PCMT1: variants seen among roughly 807,000 people sequenced by gnomAD.
PCMT1 encodes protein-L-isoaspartate (D-aspartate) O-methyltransferase, also known as protein-L-isoaspartate(D-aspartate) O-methyltransferase.
A neutral mutation model predicts 29.2 loss-of-function variants in PCMT1; 9 were observed. That is an observed-to-expected ratio of 0.31 (90% CI 0.19 to 0.54). The LOEUF (loss-of-function observed/expected upper bound fraction) is 0.54, where lower values mean the gene tolerates loss of function less well. PCMT1 is among the 20% of genes least tolerant of loss of function. PCMT1 has a pLI of 0.95. For missense variants in PCMT1, 184 were observed against 282.2 expected (o/e 0.65, Z 2.49); for synonymous variants, 98 against 97.5 (o/e 1.00, Z -0.03).
intron 6 of PCMT1, among the ~76,000 whole-genome samples, chr6:149,798,777 G>T (rs1190047074): frequency 6.6e-6 from 1 of 152,184 alleles, no homozygotes; most frequent in Non-Finnish European, 1.5e-5. Context: ...AGTTTGCACT[G>T]CAAAACTCTG....
chr6:149,778,522 T>A (rs74777784), intron 3 of PCMT1, among the ~76,000 whole-genome samples: 3 of 150,074 alleles, frequency 2.0e-5, no homozygotes, highest in Non-Finnish European at 4.5e-5. Context: ...AGCCACTGCG[T>A]CTAGCCCTTA....
chr6:149,756,336 G>C (rs1166661133), intron 1 of PCMT1, among the ~76,000 whole-genome samples: 4 of 146,494 alleles, frequency 2.7e-5, no homozygotes, highest in African/African-American at 1.0e-4. Context: ...TAGTAGAAAA[G>C]AGCATTTATT....
chr6:149,811,370 AAC>A lies in PCMT1; in HGVS notation c.*794_*795del, dbSNP rs774766706. The A allele has an allele frequency of 2.6e-5, 4 of 152,618 alleles. No individual in the cohort carries two copies. The highest frequency in any genetic ancestry group is 4.8e-5 in the African/African-American group (2 of 41,424). 9.5% of individuals were successfully genotyped at this position (152,618 alleles called of 1,614,324 possible). A position where few individuals can be genotyped will look rare whatever the true frequency, so the allele number is the denominator to read the frequency against. On this transcript the variant is annotated 3_prime_UTR_variant, in exon 8 of 8. Coordinates refer to ENST00000464889, the MANE Select transcript of PCMT1 (RefSeq NM_001360452.2). ...TGTGTAAGCTGTGTCCTAGTTCTTGAACAGTTTATGCAGTGCTGCTTTGCCAA... is the reference window on the plus strand; with the variant it reads ...TGTGTAAGCTGTGTCCTAGTTCTTGAAGTTTATGCAGTGCTGCTTTGCCAA...
chr6:149,774,654 C>T (rs1267059710), intron 3 of PCMT1, among the ~76,000 whole-genome samples: 1 of 150,878 alleles, frequency 6.6e-6, no homozygotes, highest in Non-Finnish European at 1.5e-5. Context: ...TCTCTTGCCT[C>T]AGCCTCCCTA....
intron 6 of PCMT1, 41 bp from the exon 7 acceptor site, chr6:149,802,159 T>G (rs745402404): frequency 7.5e-7 from 1 of 1,335,248 alleles, no homozygotes; most frequent in Non-Finnish European, 1.0e-6. Context: ...AAATAAAATC[T>G]GTAACTTGGT....
Position 149,760,093 on chromosome 6 carries a change from T to C in PCMT1, c.55+10137T>C, listed in dbSNP as rs537974075. On this transcript the variant is annotated intron_variant, in intron 1 of 7. Transcript: ENST00000464889. ...CCCTCCTTTCAGATCCAATCCATTC[T>C]ACACATTATACTGATTTTTTCCTAG... Among the ~76,000 whole-genome samples, 11 of 152,202 alleles carry C rather than the reference T, an allele frequency of 7.2e-5. No individual in the cohort carries two copies. The South Asian group carries it at 1.0e-3, about 14-fold the overall frequency.
intron 5 of PCMT1, chr6:149,795,125 G>T: frequency 3.2e-6 from 1 of 315,380 alleles, no homozygotes; most frequent in Non-Finnish European, 6.1e-6. Flanking sequence ...CCTGGGAGGC[G>T]GAGGTTGCAG....
chr6:149,794,802 AG>A, intron 5 of PCMT1: 1 of 484,246 alleles, frequency 2.1e-6, no homozygotes. Context: ...GTTGCCAGTG[AG>A]GGACATGAGA....
At chr6:149,779,996 C>T (rs1787749890) in intron 3 of PCMT1, among the ~76,000 whole-genome samples, 1 of 151,994 alleles carries the variant, frequency 6.6e-6, no homozygotes, top group Admixed American at 6.6e-5. Flanking sequence ...GCAGTTACTT[C>T]ATGGCAAAAG....
chr6:149,756,612 G>A (rs1036153655), intron 1 of PCMT1, among the ~76,000 whole-genome samples: 13 of 129,674 alleles, frequency 1.0e-4, no homozygotes, highest in African/African-American at 2.9e-4. Flanking sequence ...TGATCCACCC[G>A]CCTCAGTCTC....
At chr6:149,751,082 C>G (rs982200445) in intron 1 of PCMT1, among the ~76,000 whole-genome samples, 1 of 152,102 alleles carries the variant, frequency 6.6e-6, no homozygotes, top group Non-Finnish European at 1.5e-5. Context: ...TTTGGGAGGC[C>G]GAGGCGGGTG....
chr6:149,793,301 G>T (rs1368618642), intron 4 of PCMT1, among the ~76,000 whole-genome samples: 1 of 151,910 alleles, frequency 6.6e-6, no homozygotes, highest in Non-Finnish European at 1.5e-5. Flanking sequence ...CAAAGTTCTA[G>T]ATTTAATCTA....
intron 4 of PCMT1, among the ~76,000 whole-genome samples, chr6:149,792,952 G>A (rs982052624): frequency 2.6e-5 from 4 of 152,088 alleles, no homozygotes; most frequent in Admixed American, 1.3e-4. Flanking sequence ...CACGAGGTCA[G>A]GAATTTGAGA....
chr6:149,773,235 TA>T (rs1787410566), intron 3 of PCMT1, 66 bp downstream of exon 3: 4 of 1,236,336 alleles, frequency 3.2e-6, no homozygotes, highest in African/African-American at 1.5e-5. Flanking sequence ...TTTTCTTTAG[TA>T]AAAAAGATTT....
At chr6:149,801,319 G>T (rs1775820428) in intron 6 of PCMT1, among the ~76,000 whole-genome samples, 1 of 152,170 alleles carries the variant, frequency 6.6e-6, no homozygotes, top group Non-Finnish European at 1.5e-5. Context: ...ATTGCATTTT[G>T]ACTGTGACTT....
intron 3 of PCMT1, among the ~76,000 whole-genome samples, chr6:149,781,748 CACATA>C (rs1302996130): frequency 3.3e-5 from 5 of 152,116 alleles, no homozygotes; most frequent in African/African-American, 1.2e-4. Flanking sequence ...TGTTAAAATA[CACATA>C]ACATAAAATT....
At chr6:149,761,257 ATG>A (rs75507681) in intron 1 of PCMT1, among the ~76,000 whole-genome samples, 551 of 146,766 alleles carry the variant, frequency 3.8e-3, no homozygotes, top group African/African-American at 7.3e-3. Flanking sequence ...TGTAAGGGTG[ATG>A]TGTGTGTGTG....
chr6:149,773,034 AAG>A, intron 2 of PCMT1, 102 bp from the exon 3 acceptor site: 89 of 959,230 alleles, frequency 9.3e-5, no homozygotes, highest in Admixed American at 3.6e-4. Flanking sequence ...AAAAAAAAAA[AAG>A]AATTATTGTG....
chr6:149,768,525 C>G (rs1298565901), intron 1 of PCMT1, among the ~76,000 whole-genome samples: 3 of 145,762 alleles, frequency 2.1e-5, no homozygotes, highest in Non-Finnish European at 4.5e-5. Context: ...GATCTTGACT[C>G]ACTGCAACCT....
Sources: gnomAD v4.1 joint callset for allele counts (sites outside exome capture counted in the v4.1 genomes callset) on GRCh38, gnomAD v4.1.1 for gene constraint, MANE v1.5 for transcripts, NCBI Gene and HGNC (gene_info 2026-07-23, HGNC 2026-07-21) for gene names.